The following MEI4 variants were observed in gnomAD, a reference collection of about 807,000 sequenced individuals.
MEI4 encodes meiotic double-stranded break formation protein 4.
In MEI4, 27 loss-of-function variants were observed where a neutral mutation model predicts 31.4. That is an observed-to-expected ratio of 0.86 (90% confidence interval 0.63 to 1.19). The LOEUF (loss-of-function observed/expected upper bound fraction) is 1.19, where lower values mean the gene tolerates loss of function less well. Among genes scored for constraint, MEI4 ranks in the 50% most tolerant of loss-of-function variants. MEI4 has a pLI of 0.00. For missense variants in MEI4, 329 were observed against 398.9 expected, an observed-to-expected ratio of 0.82 and a Z score of 1.49; for synonymous variants, 122 against 145.4, an observed-to-expected ratio of 0.84 and a Z score of 1.16.
intron 3 of MEI4, among the ~76,000 whole-genome samples, chr6:77,804,980 G>A (rs544203820): frequency 2.5e-4 from 38 of 152,208 alleles, no homozygotes; most frequent in African/African-American, 6.0e-4. Flanking sequence ...TTTTGGCATC[G>A]TTTGGCATAT....
intron 2 of MEI4, among the ~76,000 whole-genome samples, chr6:77,736,180 C>A (rs185014248): frequency 2.0e-4 from 31 of 152,208 alleles, no homozygotes; most frequent in African/African-American, 7.5e-4. Context: ...AGCTTCCAGG[C>A]TGCTTTGTTT....
intron 2 of MEI4, among the ~76,000 whole-genome samples, chr6:77,736,595 C>T (rs1382610997): frequency 1.3e-5 from 2 of 152,112 alleles, no homozygotes; most frequent in African/African-American, 4.8e-5. Context: ...CATTCGTCTT[C>T]TGCGTCGCTC....
rs556848586 is a variant in MEI4, at chr6:77,713,238, AT to A, written c.232+22337del. 1.4e-3 allele frequency among the ~76,000 whole-genome samples: 213 copies of A among 152,326 alleles called. 1 individual carries two copies. The highest frequency in any genetic ancestry group is 4.5e-3 in the African/African-American group (187 of 41,570). ...GATATTGAGGAACTTATGGTTAAGG[AT>A]TAATGAGGAATGCTTAACACACTGC... On this transcript the variant is annotated intron_variant, in intron 2 of 4. Coordinates refer to ENST00000684080, the MANE Select transcript of MEI4 (RefSeq NM_001322247.2).
chr6:77,702,287 A>G (rs1053455978), intron 2 of MEI4, among the ~76,000 whole-genome samples: 1 of 152,202 alleles, frequency 6.6e-6, no homozygotes, highest in African/African-American at 2.4e-5. Flanking sequence ...GGAGCTCAGC[A>G]TTTATAAGTT....
chr6:77,703,885 C>T (rs995934813), intron 2 of MEI4, among the ~76,000 whole-genome samples: 4 of 152,038 alleles, frequency 2.6e-5, no homozygotes, highest in Non-Finnish European at 4.4e-5. Flanking sequence ...GCTGCTGGTC[C>T]GAGAACCACT....
At chr6:77,739,739 A>T (rs1453918994) in intron 2 of MEI4, among the ~76,000 whole-genome samples, 1 of 151,984 alleles carries the variant, frequency 6.6e-6, no homozygotes, top group African/African-American at 2.4e-5. Flanking sequence ...TAAAAAAAAA[A>T]ATAGGAAAAC....
At chr6:77,676,069 G>T (rs1768839293) in intron 1 of MEI4, among the ~76,000 whole-genome samples, 1 of 152,068 alleles carries the variant, frequency 6.6e-6, no homozygotes, top group African/African-American at 2.4e-5. Context: ...AACTGCCTTG[G>T]GTTTGGGTGG....
intron 2 of MEI4, among the ~76,000 whole-genome samples, chr6:77,713,530 A>G (rs1472492309): frequency 6.6e-6 from 1 of 152,160 alleles, no homozygotes; most frequent in African/African-American, 2.4e-5. Flanking sequence ...AAATTGAATG[A>G]TGGGCATCAT....
chr6:77,815,422 A>C (rs538188338), intron 3 of MEI4, among the ~76,000 whole-genome samples: 1 of 152,270 alleles, frequency 6.6e-6, no homozygotes, highest in East Asian at 1.9e-4. Context: ...ATAATTTAAT[A>C]GAGGCATTTC....
chr6:77,743,777 G>T (rs1259110724), intron 2 of MEI4, among the ~76,000 whole-genome samples: 1 of 152,170 alleles, frequency 6.6e-6, no homozygotes, highest in Non-Finnish European at 1.5e-5. Flanking sequence ...AAAACTTCCA[G>T]AGGAAAGATC....
chr6:77,789,973 C>T (rs1171271689), intron 3 of MEI4, among the ~76,000 whole-genome samples: 2 of 151,960 alleles, frequency 1.3e-5, no homozygotes, highest in Non-Finnish European at 2.9e-5. Flanking sequence ...TATTGCGGCA[C>T]TATTCACAAT....
rs1582083520 is a variant in MEI4 at position 77,738,672 on chromosome 6, T to C, written c.233-22458T>C. 2.6e-5 allele frequency among the ~76,000 whole-genome samples: 4 copies of C among 152,296 alleles called. No homozygotes were observed. The South Asian group carries it at 8.3e-4, about 32-fold the overall frequency. On this transcript the variant is annotated intron_variant, in intron 2 of 4. Coordinates refer to ENST00000684080, the MANE Select transcript of MEI4 (RefSeq NM_001322247.2). The stretch of plus-strand genomic sequence containing the variant: ...AGATCCTTCAGGAATTGCCACACTG[T>C]ATTCTACAATTGTTCAACTAATTTA...
intron 4 of MEI4, among the ~76,000 whole-genome samples, chr6:77,843,102 A>C (rs1475696751): frequency 1.3e-5 from 2 of 151,648 alleles, no homozygotes; most frequent in African/African-American, 2.4e-5. Context: ...AAAAAAAAAA[A>C]AACAGGTAAA....
At chr6:77,810,600 G>T (rs1513013) in intron 3 of MEI4, among the ~76,000 whole-genome samples, 20,952 of 152,114 alleles carry the variant, frequency 0.14, 1,532 homozygotes, top group Middle Eastern at 0.21. Context: ...TTCCTAGGCT[G>T]TCATTTTTAT....
intron 3 of MEI4, among the ~76,000 whole-genome samples, chr6:77,811,773 C>CAA (rs67267765): frequency 2.4e-5 from 3 of 126,814 alleles, no homozygotes; most frequent in Admixed American, 1.6e-4. Context: ...AACTCCGTCT[C>CAA]AAAAAAAAAA....
At chr6:77,916,503 G>GCATT (rs1392697372) in intron 4 of MEI4, among the ~76,000 whole-genome samples, 1 of 151,988 alleles carries the variant, frequency 6.6e-6, no homozygotes, top group Non-Finnish European at 1.5e-5. Flanking sequence ...CTGGGAGCAT[G>GCATT]CATTGTGTGG....
At chr6:77,787,498 ACAC>A (rs957400927) in intron 3 of MEI4, among the ~76,000 whole-genome samples, 1 of 152,134 alleles carries the variant, frequency 6.6e-6, no homozygotes, top group Non-Finnish European at 1.5e-5. Flanking sequence ...TCTGGCTCCA[ACAC>A]CACTAGAGTG....
chr6:77,916,766 CT>C (rs56828507), intron 4 of MEI4, among the ~76,000 whole-genome samples: 121,936 of 149,116 alleles, frequency 0.82, 50,085 homozygotes, highest in East Asian at 0.95. Context: ...ACCTCTAATT[CT>C]TTTTTTTTTT....
chr6:77,868,516 T>TATATATATATATATATATATAC lies in MEI4; in HGVS notation c.900+39466_900+39467insATATATATACATATATATATAT, dbSNP rs375883143. On this transcript the variant is annotated intron_variant, in intron 4 of 4. Transcript: ENST00000684080. The stretch of plus-strand genomic sequence containing the variant: ...AAAAAATACTACATATATATATATA[T>TATATATATATATATATATATAC]ATATATATATATGCAGATTTCAAGT... Among the ~76,000 whole-genome samples, 84 of 133,770 alleles carry TATATATATATATATATATATAC rather than the reference T, an allele frequency of 6.3e-4. 5 individuals are homozygous for TATATATATATATATATATATAC. The highest frequency in any genetic ancestry group is 3.9e-3 in the Middle Eastern group (1 of 254). 87.8% of individuals were successfully genotyped at this position (133,770 alleles called of 152,430 possible). A position where few individuals can be genotyped will look rare whatever the true frequency, so the allele number is the denominator to read the frequency against.
Sources: gnomAD v4.1 joint callset for allele counts (sites outside exome capture counted in the v4.1 genomes callset) on GRCh38, gnomAD v4.1.1 for gene constraint, MANE v1.5 for transcripts, NCBI Gene and HGNC (gene_info 2026-07-23, HGNC 2026-07-21) for gene names.